Variants in GRIN2A observed in about 807,000 individuals in gnomAD.
GRIN2A encodes the protein glutamate receptor ionotropic, NMDA 2A.
GRIN2A carries 22 observed loss-of-function variants against 113.4 expected under a neutral mutation model. The ratio of observed to expected loss-of-function variants is 0.19; its 90% CI spans 0.14 to 0.28. The LOEUF is 0.28. Among genes scored for constraint, GRIN2A ranks in the 10% least tolerant of loss-of-function variants. The pLI, the probability that GRIN2A is intolerant of heterozygous loss-of-function variation, is 1.00. For synonymous variants in GRIN2A, 827 were observed against 738.4 expected, an observed-to-expected ratio of 1.12 and a Z score of -1.94; for missense variants, 1,502 against 1,887.0, an observed-to-expected ratio of 0.80 and a Z score of 3.78.
At chr16:9,930,088 C>T (rs1326929048) in intron 3 of GRIN2A, among the ~76,000 whole-genome samples, 2 of 152,118 alleles carry the variant, frequency 1.3e-5, no homozygotes, top group Non-Finnish European at 2.9e-5. Flanking sequence ...ATGCCACAAA[C>T]AGAGATGATG....
chr16:10,017,767 C>T (rs1049932167), intron 2 of GRIN2A, among the ~76,000 whole-genome samples: 2 of 151,786 alleles, frequency 1.3e-5, no homozygotes, highest in Non-Finnish European at 2.9e-5. Flanking sequence ...ACTCATCAGT[C>T]AAGATAAGTA....
rs140271460 is a variant in GRIN2A at position 10,123,197 on chromosome 16, G to A, written c.414+56801C>T. ...TAAATTCCAGGCAGATCTAATGAAG[G>A]AGTTACCTTTTCAATCCCTAGATTG... On this transcript the variant is annotated intron_variant, in intron 2 of 12. Coordinates refer to ENST00000330684, the MANE Select transcript of GRIN2A (RefSeq NM_001134407.3). 1.6e-4 allele frequency among the ~76,000 whole-genome samples: 24 copies of A among 152,220 alleles called. No homozygotes were observed. In the East Asian group the frequency reaches 3.5e-3, roughly 22 times the overall value.
intron 4 of GRIN2A, among the ~76,000 whole-genome samples, chr16:9,886,201 C>T (rs1183541083): frequency 1.3e-5 from 2 of 152,236 alleles, no homozygotes; most frequent in South Asian, 2.1e-4. Flanking sequence ...AGGTTGAAAA[C>T]CCCAAAATGC....
chr16:9,802,751 C>T (rs1000561779), intron 10 of GRIN2A, among the ~76,000 whole-genome samples: 4 of 152,192 alleles, frequency 2.6e-5, no homozygotes, highest in Admixed American at 2.0e-4. Flanking sequence ...GCTGGAAATG[C>T]TCTGACACCA....
intron 2 of GRIN2A, among the ~76,000 whole-genome samples, chr16:10,007,688 T>C (rs1219734153): frequency 6.6e-6 from 1 of 152,136 alleles, no homozygotes; most frequent in Non-Finnish European, 1.5e-5. Flanking sequence ...TCCACGTAAA[T>C]TTTAATTTAG....
At chr16:9,901,948 A>C (rs2043936281) in intron 3 of GRIN2A, among the ~76,000 whole-genome samples, 1 of 152,156 alleles carries the variant, frequency 6.6e-6, no homozygotes, top group African/African-American at 2.4e-5. Flanking sequence ...TTTAGCCTCT[A>C]ATATATGTTG....
intron 2 of GRIN2A, among the ~76,000 whole-genome samples, chr16:10,068,337 C>T (rs1271674259): frequency 6.6e-6 from 1 of 152,226 alleles, no homozygotes; most frequent in African/African-American, 2.4e-5. Flanking sequence ...GCTCACAGTT[C>T]TGCAGGCTTT....
chr16:9,971,867 C>T (rs1182227537), intron 2 of GRIN2A, among the ~76,000 whole-genome samples: 1 of 152,092 alleles, frequency 6.6e-6, no homozygotes, highest in Non-Finnish European at 1.5e-5. Flanking sequence ...CAGTAGATTT[C>T]ACAGGGACAT....
chr16:10,127,888 A>G (rs934874528), intron 2 of GRIN2A, among the ~76,000 whole-genome samples: 1 of 114,952 alleles, frequency 8.7e-6, no homozygotes, highest in Admixed American at 1.0e-4. Context: ...TCATGCCTGG[A>G]TAGGAGTGTT....
At chr16:9,770,166 A>G (rs1216846990) in intron 11 of GRIN2A, among the ~76,000 whole-genome samples, 1 of 152,214 alleles carries the variant, frequency 6.6e-6, no homozygotes, top group Admixed American at 6.5e-5. Flanking sequence ...TCACTAAACT[A>G]TGGCACTTAG....
chr16:10,154,259 A>G (rs1358450775), intron 2 of GRIN2A, among the ~76,000 whole-genome samples: 1 of 152,158 alleles, frequency 6.6e-6, no homozygotes, highest in Non-Finnish European at 1.5e-5. Flanking sequence ...CTCGGTGGGC[A>G]CGTTGCATGA....
intron 11 of GRIN2A, among the ~76,000 whole-genome samples, chr16:9,773,255 T>C (rs1901392518): frequency 6.6e-6 from 1 of 152,198 alleles, no homozygotes; most frequent in Non-Finnish European, 1.5e-5. Flanking sequence ...CAAATCTGTT[T>C]AGTGAGTTAT....
chr16:10,130,920 T>A (rs1321284031), intron 2 of GRIN2A, among the ~76,000 whole-genome samples: 1 of 152,192 alleles, frequency 6.6e-6, no homozygotes, highest in Non-Finnish European at 1.5e-5. Context: ...TCTTCAGCTA[T>A]CCTGAGAAGT....
chr16:10,046,898 A>G (rs2047269012), intron 2 of GRIN2A, among the ~76,000 whole-genome samples: 1 of 152,164 alleles, frequency 6.6e-6, no homozygotes, highest in Non-Finnish European at 1.5e-5. Context: ...ACTATATGTT[A>G]AGTGCTGTGT....
intron 2 of GRIN2A, among the ~76,000 whole-genome samples, chr16:10,132,106 C>T (rs1415711132): frequency 6.6e-6 from 1 of 152,058 alleles, no homozygotes; most frequent in East Asian, 1.9e-4. Context: ...CTCAGGCAGG[C>T]AGATCACTTG....
chr16:9,921,269 T>C (rs1207461823), intron 3 of GRIN2A, among the ~76,000 whole-genome samples: 1 of 152,246 alleles, frequency 6.6e-6, no homozygotes, highest in Admixed American at 6.5e-5. Flanking sequence ...AGTCACACTT[T>C]CATGATGAAT....
chr16:9,829,676 C>G, intron 8 of GRIN2A, 24 bp from the exon 9 acceptor site: 1 of 1,555,500 alleles, frequency 6.4e-7, no homozygotes, highest in Non-Finnish European at 8.9e-7. Context: ...AAAGGACATT[C>G]TCAGCATTTT....
intron 3 of GRIN2A, among the ~76,000 whole-genome samples, chr16:9,934,063 T>C (rs976839464): frequency 2.0e-5 from 3 of 152,242 alleles, no homozygotes; most frequent in South Asian, 2.1e-4. Context: ...GGGAAACAGA[T>C]AGAATCAGAA....
At position 9,925,045 on chromosome 16, in the gene GRIN2A, C is replaced by T. The variant is rs148288869; in HGVS notation, c.1007+12914G>A. ...TATATTTCCCTGCTGCTTTGCATGC[C>T]TGGTAACTTTTGATGGGATGGAAGA... On this transcript the variant is annotated intron_variant, in intron 3 of 12. Coordinates refer to ENST00000330684, the MANE Select transcript of GRIN2A (RefSeq NM_001134407.3). 2.5e-4 allele frequency among the ~76,000 whole-genome samples: 38 copies of T among 152,202 alleles called. No homozygotes were observed. The East Asian group carries it at 5.4e-3, about 22-fold the overall frequency.
Sources: gnomAD v4.1 joint callset for allele counts (sites outside exome capture counted in the v4.1 genomes callset) on GRCh38, gnomAD v4.1.1 for gene constraint, MANE v1.5 for transcripts, NCBI Gene and HGNC (gene_info 2026-07-23, HGNC 2026-07-21) for gene names.